TSPAN15: variants seen among roughly 807,000 people sequenced by gnomAD.
TSPAN15 encodes tetraspanin 15.
A neutral mutation model predicts 34.5 loss-of-function variants in TSPAN15; 20 were observed. The observed-to-expected ratio is 0.58, with a 90% CI of 0.41 to 0.84. The LOEUF is 0.84. Ranked by LOEUF, TSPAN15 falls within the 40% of genes least tolerant of loss-of-function variation. TSPAN15 has a pLI of 0.00. For synonymous variants in TSPAN15, 155 were observed against 153.9 expected, an observed-to-expected ratio of 1.01 and a Z score of -0.05; for missense variants, 313 against 386.1, an observed-to-expected ratio of 0.81 and a Z score of 1.59.
intron 3 of TSPAN15, 138 bp from the exon 4 acceptor site, chr10:69,495,456 T>G (rs1842058989): frequency 1.6e-6 from 1 of 632,828 alleles, no homozygotes; most frequent in Non-Finnish European, 2.9e-6. Context: ...GGGTGGGGAG[T>G]GGAGGGGGCT....
In TSPAN15 at chr10:69,506,620, G is replaced by C. The variant is rs535785343; in HGVS notation, c.736-209G>C. 6.6e-6 allele frequency among the ~76,000 whole-genome samples: 1 copy of C among 152,312 alleles called. No individual in the cohort carries two copies. The highest frequency in any genetic ancestry group is 2.1e-4 in the South Asian group (1 of 4,830). On this transcript the variant is annotated intron_variant, in intron 7 of 7. Coordinates refer to ENST00000373290, the MANE Select transcript of TSPAN15 (RefSeq NM_012339.5). The surrounding 1 kb of genome is among the most constrained non-coding windows in gnomAD (Gnocchi z 4.7). ...TGATGGGGCACAGCGAGGCGCTCTGGGATTTCCTGGGAAGGGGAGAGGGGG... is the reference window on the plus strand; with the variant it reads ...TGATGGGGCACAGCGAGGCGCTCTGCGATTTCCTGGGAAGGGGAGAGGGGG...
At chr10:69,490,852 C>T (rs1366421432) in intron 3 of TSPAN15, among the ~76,000 whole-genome samples, 1 of 152,192 alleles carries the variant, frequency 6.6e-6, no homozygotes, top group East Asian at 1.9e-4. Context: ...TTTTATTGTT[C>T]CTTTTCCCAA....
At chr10:69,525,761 C>G in the TSPAN15 span, among the ~76,000 whole-genome samples, 9 of 143,188 alleles carry the variant, frequency 6.3e-5, no homozygotes, top group African/African-American at 2.0e-4. Flanking sequence ...GCAGAGGCTG[C>G]AGTGAGCTGA....
At chr10:69,539,449 A>AAGAAGAAGAAGAAGAAGAAGG in the TSPAN15 span, among the ~76,000 whole-genome samples, 2 of 26,936 alleles carry the variant, frequency 7.4e-5, no homozygotes, top group Non-Finnish European at 1.6e-4. Context: ...AAGGAAGAAG[A>AAGAAGAAGAAGAAGAAGAAGG]AGAAGAAGAA....
At chr10:69,475,407 G>A (rs1171535189) in intron 1 of TSPAN15, among the ~76,000 whole-genome samples, 3 of 152,178 alleles carry the variant, frequency 2.0e-5, no homozygotes, top group Admixed American at 6.5e-5. Context: ...ATCCTTCAGA[G>A]TCCTTCTCTG....
intron 4 of TSPAN15, among the ~76,000 whole-genome samples, chr10:69,496,459 G>A (rs993631621): frequency 2.0e-5 from 3 of 151,988 alleles, no homozygotes; most frequent in African/African-American, 7.3e-5. Context: ...ACCTACATAA[G>A]GGGAATAATG....
Position 69,507,058 on chromosome 10 carries a change from C to G in TSPAN15, c.*80C>G, listed in dbSNP as rs1063681. 2 of 1,553,276 alleles carry G rather than the reference C, an allele frequency of 1.3e-6. No individual in the cohort carries two copies. Among genetic ancestry groups the G allele is most frequent in the East Asian group, 4.7e-5 (2 of 42,178 alleles). On this transcript the variant is annotated 3_prime_UTR_variant, in exon 8 of 8. Transcript: ENST00000373290. ...GTCAACATCGTGGGGCTGGACAGGG[C>G]TGCGGCCCCTCTGCCCACACTCAGT...
the TSPAN15 span, among the ~76,000 whole-genome samples, chr10:69,517,095 C>T: frequency 6.6e-6 from 1 of 152,186 alleles, no homozygotes. Context: ...TAAGGCTTTC[C>T]AGGTGTAATG....
intron 4 of TSPAN15, 108 bp downstream of exon 4, chr10:69,495,797 C>A: frequency 1.3e-6 from 1 of 777,966 alleles, no homozygotes; most frequent in Non-Finnish European, 2.1e-6. Flanking sequence ...TATCCATTCC[C>A]AAAGCAGGTG....
At chr10:69,487,089 C>T (rs716786) in intron 3 of TSPAN15, among the ~76,000 whole-genome samples, 7,481 of 151,774 alleles carry the variant, frequency 0.049, 295 homozygotes, top group Middle Eastern at 0.14. Flanking sequence ...CCAGGGGCTA[C>T]GGGTTAGTGC....
At position 69,506,298 on chromosome 10, in the gene TSPAN15, AG is replaced by A. The variant is rs1307176461; in HGVS notation, c.735+60del. On this transcript the variant is annotated intron_variant, in intron 7 of 7. Transcript: ENST00000373290. The surrounding 1 kb of genome is among the most constrained non-coding windows in gnomAD (Gnocchi z 4.7). ...CTTGGTGATTGCAGAAGGGCAGAGA[AG>A]GTGCAGAGGGGAAGAGCGAAGAGGC... 4 of 1,520,774 alleles carry A rather than the reference AG, an allele frequency of 2.6e-6. No homozygotes were observed. The highest frequency in any genetic ancestry group is 3.6e-6 in the Non-Finnish European group (4 of 1,096,736). 94.2% of individuals were successfully genotyped at this position (1,520,774 alleles called of 1,614,324 possible). A position where few individuals can be genotyped will look rare whatever the true frequency, so the allele number is the denominator to read the frequency against.
the TSPAN15 span, among the ~76,000 whole-genome samples, chr10:69,527,781 A>G: frequency 7.4e-5 from 11 of 147,708 alleles, no homozygotes; most frequent in African/African-American, 2.2e-4. Flanking sequence ...AATGTGTAGC[A>G]TAAGAGTTTA....
chr10:69,490,470 C>G (rs1236701854), intron 3 of TSPAN15, among the ~76,000 whole-genome samples: 1 of 152,200 alleles, frequency 6.6e-6, no homozygotes, highest in African/African-American at 2.4e-5. Context: ...CTTGTAATCC[C>G]AGCACTTTGG....
intron 1 of TSPAN15, among the ~76,000 whole-genome samples, chr10:69,454,139 A>G (rs1014696285): frequency 3.9e-5 from 6 of 152,172 alleles, no homozygotes; most frequent in African/African-American, 1.2e-4. Context: ...ACTGCTAGCA[A>G]TTTGCATCTC....
intron 1 of TSPAN15, among the ~76,000 whole-genome samples, chr10:69,472,502 A>T (rs1216405463): frequency 6.6e-6 from 1 of 152,118 alleles, no homozygotes; most frequent in East Asian, 1.9e-4. Flanking sequence ...GAGGACAGGA[A>T]CTCATCTTAT....
intron 1 of TSPAN15, among the ~76,000 whole-genome samples, chr10:69,477,521 AC>A (rs1395096677): frequency 6.6e-6 from 1 of 152,152 alleles, no homozygotes; most frequent in Non-Finnish European, 1.5e-5. Context: ...AAATGTGGCC[AC>A]CAGCTACCTG....
intron 3 of TSPAN15, chr10:69,494,950 G>A (rs957919203): frequency 3.6e-6 from 3 of 833,384 alleles, no homozygotes; most frequent in African/African-American, 1.8e-5. Context: ...AGGGCGGCCT[G>A]CCATGTTCCT....
intron 1 of TSPAN15, among the ~76,000 whole-genome samples, chr10:69,462,362 T>C (rs1335281967): frequency 1.3e-5 from 2 of 151,712 alleles, no homozygotes; most frequent in Non-Finnish European, 2.9e-5. Context: ...TGAGACGGAG[T>C]CTTGCTCTGT....
chr10:69,452,403 G>A (rs1840992915), intron 1 of TSPAN15, among the ~76,000 whole-genome samples: 1 of 152,122 alleles, frequency 6.6e-6, no homozygotes, highest in Non-Finnish European at 1.5e-5. Flanking sequence ...GCTAATCTCT[G>A]TATCGTTCCA....
Sources: allele counts gnomAD v4.1 joint callset (sites outside exome capture counted in the v4.1 genomes callset), GRCh38; gene constraint gnomAD v4.1.1; non-coding constraint Gnocchi (gnomAD v3.1); transcripts MANE v1.5; gene names NCBI Gene and HGNC (gene_info 2026-07-23, HGNC 2026-07-21).